A1CF: variants seen among roughly 807,000 people sequenced by gnomAD.
A1CF encodes the protein APOBEC-1 stimulating protein.
In A1CF, 48 loss-of-function variants were observed where a neutral mutation model predicts 68.9. The observed-to-expected ratio is 0.70, with a 90% CI of 0.55 to 0.89. The LOEUF is 0.89. A1CF is among the 40% of genes least tolerant of loss of function. A1CF has a pLI of 0.00. For synonymous variants in A1CF, 272 were observed against 260.4 expected, an observed-to-expected ratio of 1.04 and a Z score of -0.43; for missense variants, 653 against 718.9, an observed-to-expected ratio of 0.91 and a Z score of 1.05.
chr10:50,816,112 A>G lies in A1CF; in HGVS notation c.1035T>C (p.Pro345=). ...CATAGGTCTGGGGGGCATAGAAGAC[A>G]GGAGCTCCAAGGTAGGTTGTGGTGG... is the stretch of plus-strand genomic sequence containing the variant. ...YDPTTTYLGA[P]VFYAPQTYAA... Residue 345 remains proline (P), a synonymous_variant, in exon 9 of 13, where the codon CCT becomes CCC. Transcript: ENST00000373997. 1 of 1,613,790 alleles carries G rather than the reference A, an allele frequency of 6.2e-7. No homozygotes were observed.
At chr10:50,806,963 G>T in intron 12 of A1CF, 83 bp from the exon 13 acceptor site, 2 of 1,398,908 alleles carry the variant, frequency 1.4e-6, no homozygotes, top group South Asian at 2.7e-5. Context: ...TTAGAAATAC[G>T]AACATTTAAC....
chr10:50,835,101 C>G (rs1333527227), intron 6 of A1CF, among the ~76,000 whole-genome samples: 1 of 152,134 alleles, frequency 6.6e-6, no homozygotes, highest in Non-Finnish European at 1.5e-5. Flanking sequence ...TTAAAAATAT[C>G]TACTTCTCTA....
intron 5 of A1CF, 130 bp from the exon 6 acceptor site, chr10:50,836,442 G>A: frequency 1.0e-6 from 1 of 959,448 alleles, no homozygotes; most frequent in Non-Finnish European, 1.5e-6. Flanking sequence ...ACCATTTTTG[G>A]AGAGTTGTGG....
intron 1 of A1CF, among the ~76,000 whole-genome samples, chr10:50,866,589 G>A (rs1841001122): frequency 6.6e-6 from 1 of 152,214 alleles, no homozygotes; most frequent in African/African-American, 2.4e-5. Flanking sequence ...CACAGGCAGT[G>A]TAGTACATTC....
chr10:50,865,357 G>T (rs907279624), intron 1 of A1CF, among the ~76,000 whole-genome samples: 4 of 152,042 alleles, frequency 2.6e-5, no homozygotes. Context: ...TTCCATCATA[G>T]GGTTCTTTGA....
chr10:50,864,131 A>C (rs1416099378), intron 1 of A1CF, 51 bp from the exon 2 acceptor site: 1 of 152,162 alleles, frequency 6.6e-6, no homozygotes, highest in Non-Finnish European at 1.5e-5. Context: ...TGGAGATTGG[A>C]TGGAGGGGAA....
chr10:50,815,871 A>C, intron 9 of A1CF, 135 bp downstream of exon 9: 1 of 1,003,746 alleles, frequency 1.0e-6, no homozygotes. Context: ...AACTATTGAT[A>C]TAATAGTTGA....
At chr10:50,840,904 G>C (rs540768300) in intron 5 of A1CF, among the ~76,000 whole-genome samples, 2 of 152,250 alleles carry the variant, frequency 1.3e-5, no homozygotes, top group East Asian at 3.9e-4. Context: ...TTTCCTCCCT[G>C]AATTCTGAAT....
chr10:50,821,979 A>G (rs1030144674), intron 7 of A1CF, among the ~76,000 whole-genome samples: 4 of 152,220 alleles, frequency 2.6e-5, no homozygotes, highest in Admixed American at 6.5e-5. Flanking sequence ...AAAGATAGAG[A>G]CCAAACTCTT....
At chr10:50,852,746 CCA>C (rs1416979250) in intron 3 of A1CF, among the ~76,000 whole-genome samples, 3 of 152,090 alleles carry the variant, frequency 2.0e-5, no homozygotes, top group Non-Finnish European at 4.4e-5. Flanking sequence ...AATGTCAATG[CCA>C]CAGTGTTTTT....
intron 3 of A1CF, among the ~76,000 whole-genome samples, chr10:50,848,069 T>C (rs970487558): frequency 1.3e-5 from 2 of 152,138 alleles, no homozygotes; most frequent in African/African-American, 2.4e-5. Flanking sequence ...TTTTTCTGAG[T>C]GCTTTACATT....
At chr10:50,870,619 A>G (rs975343091) in intron 1 of A1CF, among the ~76,000 whole-genome samples, 1 of 151,906 alleles carries the variant, frequency 6.6e-6, no homozygotes, top group African/African-American at 2.4e-5. Flanking sequence ...ATCATAATCT[A>G]TATTGAAAAC....
chr10:50,882,265 G>A (rs1364240749), intron 1 of A1CF, among the ~76,000 whole-genome samples: 2 of 151,964 alleles, frequency 1.3e-5, no homozygotes, highest in African/African-American at 2.4e-5. Flanking sequence ...ATGAAACCCC[G>A]TCTCTACTAA....
intron 3 of A1CF, among the ~76,000 whole-genome samples, chr10:50,855,161 G>A (rs963717551): frequency 2.0e-5 from 3 of 151,862 alleles, no homozygotes; most frequent in Non-Finnish European, 2.9e-5. Context: ...GGTGAGAGGA[G>A]CATCACATAT....
At chr10:50,824,579 TTTTCTGGA>T (rs1331437423) in intron 7 of A1CF, 3 of 152,174 alleles carry the variant, frequency 2.0e-5, no homozygotes, top group Admixed American at 6.6e-5. Flanking sequence ...AAAGCTGTAT[TTTTCTGGA>T]ATTTCTTAAA....
chr10:50,846,598 C>A (rs1269669230), intron 3 of A1CF, among the ~76,000 whole-genome samples: 1 of 152,152 alleles, frequency 6.6e-6, no homozygotes, highest in Non-Finnish European at 1.5e-5. Flanking sequence ...AGAAATTCTG[C>A]TTTGAATAGC....
chr10:50,816,638 A>T (rs752776895), intron 8 of A1CF: 1 of 179,914 alleles, frequency 5.6e-6, no homozygotes, highest in Non-Finnish European at 1.2e-5. Flanking sequence ...TATAACTACA[A>T]GACAATTTAG....
chr10:50,842,706 T>C (rs1440343762), intron 4 of A1CF, among the ~76,000 whole-genome samples: 1 of 152,238 alleles, frequency 6.6e-6, no homozygotes, highest in East Asian at 1.9e-4. Context: ...TATTCTATCA[T>C]TGATGTTTAA....
At chr10:50,846,169 C>T (rs1339612028) in intron 3 of A1CF, among the ~76,000 whole-genome samples, 1 of 152,154 alleles carries the variant, frequency 6.6e-6, no homozygotes, top group African/African-American at 2.4e-5. Context: ...CACCTGACCT[C>T]ATGTGATGGG....
Sources: gnomAD v4.1 joint callset for allele counts (sites outside exome capture counted in the v4.1 genomes callset) on GRCh38, gnomAD v4.1.1 for gene constraint, MANE v1.5 for transcripts, NCBI Gene and HGNC (gene_info 2026-07-23, HGNC 2026-07-21) for gene names.